Variants in FAM163A observed in about 807,000 individuals in gnomAD.
The protein encoded by FAM163A is protein FAM163A.
Under a neutral mutation model 12.0 loss-of-function variants are expected in FAM163A, and 7 were observed. The observed-to-expected ratio is 0.58, with a 90% CI of 0.33 to 1.10. The LOEUF (loss-of-function observed/expected upper bound fraction) is 1.10. Among genes scored for constraint, FAM163A ranks in the 50% least tolerant of loss-of-function variants. The probability of loss-of-function intolerance (pLI) is 0.03; values close to 1 mark genes in which losing one functional copy is unlikely to be tolerated. For missense variants in FAM163A, 202 were observed against 218.6 expected (o/e 0.92, Z 0.48); for synonymous variants, 101 against 91.0 (o/e 1.11, Z -0.62).
chr1:179,727,862 A>C, the FAM163A span, among the ~76,000 whole-genome samples: 2 of 152,210 alleles, frequency 1.3e-5, no homozygotes, highest in Non-Finnish European at 2.9e-5. Flanking sequence ...GGTGTCAAAC[A>C]CTGACAAAAT....
intron 1 of FAM163A, among the ~76,000 whole-genome samples, chr1:179,802,939 A>G (rs1693391046): frequency 1.3e-5 from 2 of 151,498 alleles, no homozygotes; most frequent in Non-Finnish European, 2.9e-5. Flanking sequence ...TCCTAGAGAG[A>G]CCCCTTCTCA....
chr1:179,805,719 G>A (rs896730900), intron 1 of FAM163A, among the ~76,000 whole-genome samples: 1 of 152,170 alleles, frequency 6.6e-6, no homozygotes, highest in African/African-American at 2.4e-5. Context: ...CCTACCACCC[G>A]CCCAGGAGCT....
chr1:179,813,557 T>G (rs1694987671), intron 4 of FAM163A, among the ~76,000 whole-genome samples: 1 of 152,084 alleles, frequency 6.6e-6, no homozygotes. Context: ...CCCGCTCAAC[T>G]ACAGCCTGGA....
At chr1:179,730,636 T>C in the FAM163A span, among the ~76,000 whole-genome samples, 3 of 152,240 alleles carry the variant, frequency 2.0e-5, no homozygotes. Flanking sequence ...GCTATGCAAG[T>C]TATTGTGCTG....
At chr1:179,795,958 C>CTATTATTATTATTATTATTATTATTAT (rs56872344) in intron 1 of FAM163A, among the ~76,000 whole-genome samples, 13,827 of 146,170 alleles carry the variant, frequency 0.095, 1,266 homozygotes, top group African/African-American at 0.23. Context: ...GAGTCTTTCT[C>CTATTATTATTATTATTATTATTATTAT]TATTATTATT....
chr1:179,792,283 TTGTGTGTGTGTGTGTGTGTGTGTG>T (rs3075152), intron 1 of FAM163A, among the ~76,000 whole-genome samples: 1 of 133,566 alleles, frequency 7.5e-6, no homozygotes, highest in African/African-American at 2.8e-5. Context: ...CCATATCTGA[TTGTGTGTGTGTGTGTGTGTGTGTG>T]TGTGTGTGTG....
rs1695276348 is a variant in FAM163A at position 179,815,862 on chromosome 1, C to A, written c.*1673C>A. ...CATCTTTTGCGCCACTATTAAGGCACCTGTCACCTTACATCTCAATCTGGA... is the reference window on the plus strand; with the variant it reads ...CATCTTTTGCGCCACTATTAAGGCAACTGTCACCTTACATCTCAATCTGGA... On this transcript the variant is annotated 3_prime_UTR_variant, in exon 5 of 5. Coordinates refer to ENST00000341785, the MANE Select transcript of FAM163A (RefSeq NM_173509.3). 1 of 149,950 alleles carries A rather than the reference C, an allele frequency of 6.7e-6. No individual in the cohort carries two copies. The highest frequency in any genetic ancestry group is 1.5e-5 in the Non-Finnish European group (1 of 67,144). 9.3% of individuals were successfully genotyped at this position (149,950 alleles called of 1,614,324 possible). A position where few individuals can be genotyped will look rare whatever the true frequency, so the allele number is the denominator to read the frequency against.
At chr1:179,745,137 GGTCAT>G (rs1435898063) in intron 1 of FAM163A, among the ~76,000 whole-genome samples, 1 of 152,128 alleles carries the variant, frequency 6.6e-6, no homozygotes, top group African/African-American at 2.4e-5. Context: ...GTACAGACAG[GGTCAT>G]GCTGGCGTCC....
chr1:179,812,246 A>G (rs1328500840), intron 3 of FAM163A, 115 bp downstream of exon 3: 1 of 152,584 alleles, frequency 6.6e-6, no homozygotes, highest in Non-Finnish European at 1.5e-5. Flanking sequence ...TCACTGACCT[A>G]AAAGGAGAAT....
chr1:179,781,933 CAAAAAAAAAAAA>C (rs58962319), intron 1 of FAM163A, among the ~76,000 whole-genome samples: 10 of 119,416 alleles, frequency 8.4e-5, no homozygotes, highest in East Asian at 4.3e-4. Context: ...GAATCCGTAT[CAAAAAAAAAAAA>C]AAAAAAAAAA....
chr1:179,738,850 A>G (rs562258537), upstream of FAM163A, among the ~76,000 whole-genome samples: 3 of 152,364 alleles, frequency 2.0e-5, no homozygotes, highest in East Asian at 5.8e-4. Context: ...CAAAGGAACT[A>G]GAAGAGCTAA....
intron 1 of FAM163A, among the ~76,000 whole-genome samples, chr1:179,755,522 G>A (rs1258535588): frequency 6.6e-6 from 1 of 152,204 alleles, no homozygotes; most frequent in African/African-American, 2.4e-5. Context: ...AAAGTTCTCA[G>A]TGAGTGGAGA....
In FAM163A at chr1:179,814,510, G is replaced by T; in HGVS notation, c.*321G>T. 1 of 267,974 alleles carries T rather than the reference G, an allele frequency of 3.7e-6. No individual in the cohort carries two copies. Among genetic ancestry groups the T allele is most frequent in the Non-Finnish European group, 7.1e-6 (1 of 141,540 alleles). The allele number at this position is 267,974 out of a possible 1,614,324, so 16.6% of individuals were successfully genotyped here. On this transcript the variant is annotated 3_prime_UTR_variant, in exon 5 of 5. Coordinates refer to ENST00000341785, the MANE Select transcript of FAM163A (RefSeq NM_173509.3). The stretch of plus-strand genomic sequence containing the variant: ...CAGTGTGCCCCAGTCCCCTGGATTC[G>T]CTGGACTGCAAAAAGGAGCACCAGG...
intron 1 of FAM163A, among the ~76,000 whole-genome samples, chr1:179,747,134 T>G (rs1684584154): frequency 6.6e-6 from 1 of 150,978 alleles, no homozygotes; most frequent in Non-Finnish European, 1.5e-5. Context: ...GTGTTGCATT[T>G]GGACCTCAAA....
At chr1:179,743,630 T>C (rs1470426526) in intron 1 of FAM163A, among the ~76,000 whole-genome samples, 5 of 152,040 alleles carry the variant, frequency 3.3e-5, no homozygotes, top group Admixed American at 3.3e-4. Flanking sequence ...AGTTCCCCAC[T>C]GGGTCTGGGT....
At chr1:179,754,862 C>T (rs1357926564) in intron 1 of FAM163A, among the ~76,000 whole-genome samples, 3 of 152,106 alleles carry the variant, frequency 2.0e-5, no homozygotes, top group Non-Finnish European at 2.9e-5. Flanking sequence ...CTAGGCTGGG[C>T]GCCGTGGCTC....
intron 1 of FAM163A, among the ~76,000 whole-genome samples, chr1:179,750,875 G>GT (rs1191184705): frequency 6.6e-6 from 1 of 152,202 alleles, no homozygotes; most frequent in Non-Finnish European, 1.5e-5. Context: ...TGTAGTGGTG[G>GT]TGGAGAGACA....
chr1:179,786,354 C>T (rs752520769), intron 1 of FAM163A, among the ~76,000 whole-genome samples: 1 of 152,282 alleles, frequency 6.6e-6, no homozygotes. Context: ...CAGAGCCAGG[C>T]ATAAGTTGGA....
chr1:179,810,935 C>T (rs944728485), intron 2 of FAM163A, among the ~76,000 whole-genome samples: 8 of 151,922 alleles, frequency 5.3e-5, no homozygotes, highest in African/African-American at 1.5e-4. Flanking sequence ...CCCAGCTACT[C>T]GGGAGGCTGA....
Sources: gnomAD v4.1 joint callset for allele counts (sites outside exome capture counted in the v4.1 genomes callset) on GRCh38, gnomAD v4.1.1 for gene constraint, MANE v1.5 for transcripts, NCBI Gene and HGNC (gene_info 2026-07-23, HGNC 2026-07-21) for gene names.